IQCM: variants seen among roughly 807,000 people sequenced by gnomAD.
The protein encoded by IQCM is IQ motif containing M.
A neutral mutation model predicts 57.6 loss-of-function variants in IQCM; 45 were observed. That is an observed-to-expected ratio of 0.78 (90% CI 0.62 to 1.00). The LOEUF (loss-of-function observed/expected upper bound fraction) is 1.00, where lower values mean the gene tolerates loss of function less well. Among genes scored for constraint, IQCM ranks in the 50% least tolerant of loss-of-function variants. The pLI, the probability that IQCM is intolerant of heterozygous loss-of-function variation, is 0.00. For synonymous variants in IQCM, 148 were observed against 158.9 expected (o/e 0.93, Z 0.51); for missense variants, 468 against 511.6 (o/e 0.91, Z 0.82).
At chr4:149,418,270 T>A (rs1733890952) in intron 13 of IQCM, among the ~76,000 whole-genome samples, 2 of 151,732 alleles carry the variant, frequency 1.3e-5, no homozygotes, top group African/African-American at 4.8e-5. Context: ...ATATTACCAC[T>A]GACCCCACAG....
intron 2 of IQCM, among the ~76,000 whole-genome samples, chr4:149,811,118 G>A (rs917056168): frequency 1.3e-5 from 2 of 152,128 alleles, no homozygotes; most frequent in Admixed American, 1.3e-4. Flanking sequence ...TTACAATTTA[G>A]AGCAAGCCTT....
chr4:149,650,454 G>A (rs1024793181), intron 7 of IQCM, among the ~76,000 whole-genome samples: 8 of 148,216 alleles, frequency 5.4e-5, no homozygotes, highest in Non-Finnish European at 8.9e-5. Flanking sequence ...GTGCAGTGGC[G>A]TGATCTTGGT....
At chr4:149,457,322 G>C (rs1417220729) in intron 12 of IQCM, among the ~76,000 whole-genome samples, 2 of 151,972 alleles carry the variant, frequency 1.3e-5, no homozygotes, top group Non-Finnish European at 2.9e-5. Flanking sequence ...GTCCTCTCTA[G>C]CTTCCTCAAT....
chr4:149,691,248 C>T (rs1390431156), intron 5 of IQCM, among the ~76,000 whole-genome samples: 1 of 152,000 alleles, frequency 6.6e-6, no homozygotes, highest in Non-Finnish European at 1.5e-5. Context: ...ATTATTTTCC[C>T]CAAGATTAGA....
intron 6 of IQCM, among the ~76,000 whole-genome samples, chr4:149,684,663 T>G (rs1421504375): frequency 6.6e-6 from 1 of 151,470 alleles, no homozygotes; most frequent in Admixed American, 6.6e-5. Context: ...CATTATGTGG[T>G]GAACTCGATT....
At chr4:149,473,037 C>A (rs1739759612) in intron 12 of IQCM, among the ~76,000 whole-genome samples, 1 of 152,134 alleles carries the variant, frequency 6.6e-6, no homozygotes, top group Admixed American at 6.6e-5. Context: ...AAAACCTACG[C>A]AATACCATTC....
At chr4:149,377,538 C>G (rs943162026) in intron 13 of IQCM, among the ~76,000 whole-genome samples, 4 of 152,122 alleles carry the variant, frequency 2.6e-5, no homozygotes, top group African/African-American at 9.7e-5. Flanking sequence ...TTTTTTCACT[C>G]TCTTGATGTC....
At chr4:149,382,674 T>C (rs1726354269) in intron 13 of IQCM, among the ~76,000 whole-genome samples, 1 of 152,138 alleles carries the variant, frequency 6.6e-6, no homozygotes, top group South Asian at 2.1e-4. Context: ...AAAAACACAA[T>C]GTCAGTGAGA....
At chr4:149,559,584 C>T (rs1051985250) in intron 10 of IQCM, among the ~76,000 whole-genome samples, 2 of 152,152 alleles carry the variant, frequency 1.3e-5, no homozygotes, top group Non-Finnish European at 2.9e-5. Context: ...TCTGATGATA[C>T]CTAAGACTTC....
At chr4:149,409,377 T>C (rs986613897) in intron 13 of IQCM, among the ~76,000 whole-genome samples, 2 of 152,226 alleles carry the variant, frequency 1.3e-5, no homozygotes, top group African/African-American at 4.8e-5. Flanking sequence ...TCAGATATTT[T>C]GGCACTCCCG....
chr4:149,420,530 G>A (rs1177038050), intron 13 of IQCM, among the ~76,000 whole-genome samples: 1 of 151,862 alleles, frequency 6.6e-6, no homozygotes, highest in Non-Finnish European at 1.5e-5. Context: ...TGTATGCTGG[G>A]CTTAATACCT....
At chr4:149,688,089 G>A (rs1226162416) in intron 5 of IQCM, among the ~76,000 whole-genome samples, 1 of 151,946 alleles carries the variant, frequency 6.6e-6, no homozygotes, top group Non-Finnish European at 1.5e-5. Flanking sequence ...AATACTGGAA[G>A]TCCTAGCCAG....
intron 9 of IQCM, among the ~76,000 whole-genome samples, chr4:149,580,321 GA>G (rs1425453895): frequency 6.6e-6 from 1 of 151,670 alleles, no homozygotes; most frequent in Admixed American, 6.6e-5. Flanking sequence ...CTTTAAAAAA[GA>G]AAAGAATAAA....
intron 12 of IQCM, among the ~76,000 whole-genome samples, chr4:149,454,478 G>A (rs994645543): frequency 5.9e-5 from 9 of 151,772 alleles, no homozygotes; most frequent in Admixed American, 2.0e-4. Context: ...GTTGGGAGTG[G>A]GAGGAGGGTG....
At chr4:149,435,234 C>A (rs1005506815) in intron 12 of IQCM, among the ~76,000 whole-genome samples, 1 of 151,960 alleles carries the variant, frequency 6.6e-6, no homozygotes, top group African/African-American at 2.4e-5. Flanking sequence ...CTAAGTGGAC[C>A]CTAACTGATA....
chr4:149,438,829 C>T (rs1259971361), intron 12 of IQCM, among the ~76,000 whole-genome samples: 1 of 151,858 alleles, frequency 6.6e-6, no homozygotes, highest in African/African-American at 2.4e-5. Flanking sequence ...GTTAAGAAGA[C>T]AGTTAAATGA....
At chr4:149,684,200 G>A (rs1378175251) in intron 6 of IQCM, among the ~76,000 whole-genome samples, 1 of 151,148 alleles carries the variant, frequency 6.6e-6, no homozygotes, top group African/African-American at 2.4e-5. Context: ...GAATTCAAAG[G>A]TACACTGAAG....
chr4:149,439,606 TACAA>T (rs1419767815), intron 12 of IQCM, among the ~76,000 whole-genome samples: 2 of 152,050 alleles, frequency 1.3e-5, no homozygotes, highest in African/African-American at 2.4e-5. Flanking sequence ...CTGGAAATAA[TACAA>T]ACATTATCTC....
At chr4:149,572,902 C>A (rs926113157) in intron 9 of IQCM, among the ~76,000 whole-genome samples, 1 of 151,834 alleles carries the variant, frequency 6.6e-6, no homozygotes, top group Non-Finnish European at 1.5e-5. Context: ...TTCTCAATTG[C>A]GTAATCTACT....
Sources: allele counts gnomAD v4.1 joint callset (sites outside exome capture counted in the v4.1 genomes callset), GRCh38; gene constraint gnomAD v4.1.1; transcripts MANE v1.5; gene names NCBI Gene and HGNC (gene_info 2026-07-23, HGNC 2026-07-21).